Variants in SMARCC1 observed in about 807,000 individuals in gnomAD.
The protein encoded by SMARCC1 is SWI/SNF complex subunit SMARCC1.
Under a neutral mutation model 147.4 loss-of-function variants are expected in SMARCC1, and 43 were observed. The observed-to-expected ratio is 0.29, with a 90% CI of 0.23 to 0.38. The LOEUF (loss-of-function observed/expected upper bound fraction) is 0.38, where lower values mean the gene tolerates loss of function less well. Among genes scored for constraint, SMARCC1 ranks in the 10% least tolerant of loss-of-function variants. The pLI is 1.00. For missense variants in SMARCC1, 1,119 were observed against 1,381.1 expected (o/e 0.81, Z 3.01); for synonymous variants, 495 against 484.4 (o/e 1.02, Z -0.29).
intron 27 of SMARCC1, among the ~76,000 whole-genome samples, chr3:47,588,975 C>T (rs1373308975): frequency 6.6e-6 from 1 of 152,104 alleles, no homozygotes; most frequent in Non-Finnish European, 1.5e-5. Flanking sequence ...TACAAAAGAA[C>T]CCGAGAGATC....
intron 18 of SMARCC1, among the ~76,000 whole-genome samples, chr3:47,673,233 A>AT (rs1328215776): frequency 1.3e-5 from 2 of 151,834 alleles, no homozygotes; most frequent in African/African-American, 2.4e-5. Flanking sequence ...AAAAATAAAA[A>AT]TAAAAAAAAA....
chr3:47,598,085 T>C (rs2032320007), intron 26 of SMARCC1, among the ~76,000 whole-genome samples: 1 of 152,208 alleles, frequency 6.6e-6, no homozygotes, highest in Non-Finnish European at 1.5e-5. Flanking sequence ...AAGGTGGTAC[T>C]GTCCCAGCTC....
intron 9 of SMARCC1, among the ~76,000 whole-genome samples, 168 bp from the exon 10 acceptor site, chr3:47,706,698 T>C (rs1272044195): frequency 6.6e-6 from 1 of 152,202 alleles, no homozygotes; most frequent in African/African-American, 2.4e-5. Context: ...ATCAAGAAAC[T>C]TTCCCTGACC....
chr3:47,696,350 G>C (rs1032959230), intron 11 of SMARCC1, among the ~76,000 whole-genome samples: 7 of 151,696 alleles, frequency 4.6e-5, no homozygotes, highest in Non-Finnish European at 8.8e-5. Context: ...CTCCAACCTC[G>C]GCAACAGAGC....
chr3:47,695,106 C>A (rs1374182331), intron 11 of SMARCC1, among the ~76,000 whole-genome samples: 1 of 152,112 alleles, frequency 6.6e-6, no homozygotes, highest in Non-Finnish European at 1.5e-5. Flanking sequence ...CTGTAGTGTC[C>A]TGGTATTTAG....
chr3:47,675,263 C>A (rs2033554726), intron 18 of SMARCC1, among the ~76,000 whole-genome samples: 1 of 152,128 alleles, frequency 6.6e-6, no homozygotes, highest in Non-Finnish European at 1.5e-5. Context: ...GATTCTAATT[C>A]TCTCTTCAAA....
intron 2 of SMARCC1, among the ~76,000 whole-genome samples, chr3:47,760,036 A>G (rs960165180): frequency 3.9e-5 from 6 of 152,204 alleles, no homozygotes; most frequent in Non-Finnish European, 2.9e-5. Context: ...ATTTGAGGCC[A>G]GGTATGGTGG....
Position 47,709,113 on chromosome 3 carries a change from T to C in SMARCC1, c.918+1570A>G, listed in dbSNP as rs140813285. ...CCATCTCTACTGAAAATAAAAAAAT[T>C]AGCCAGGTGTGGTGGCACGTGCCTG... On this transcript the variant is annotated intron_variant, in intron 9 of 27. Coordinates refer to ENST00000254480, the MANE Select transcript of SMARCC1 (RefSeq NM_003074.4). Among the ~76,000 whole-genome samples, 642 of 151,908 alleles carry C rather than the reference T, an allele frequency of 4.2e-3. 2 individuals are homozygous for C. The highest frequency in any genetic ancestry group is 0.015 in the African/African-American group (618 of 41,418).
At chr3:47,670,620 A>C in intron 19 of SMARCC1, 38 bp downstream of exon 19, 1 of 1,227,514 alleles carries the variant, frequency 8.1e-7, no homozygotes, top group South Asian at 1.2e-5. Flanking sequence ...CTAGTCAAAG[A>C]ATCTTAGCAC....
chr3:47,728,414 T>C (rs988963938), intron 6 of SMARCC1, among the ~76,000 whole-genome samples: 1 of 152,126 alleles, frequency 6.6e-6, no homozygotes, highest in East Asian at 1.9e-4. Context: ...CCACCTGACA[T>C]TGCTGAATAT....
intron 19 of SMARCC1, chr3:47,663,969 G>C (rs1490651756): frequency 3.8e-5 from 47 of 1,243,622 alleles, no homozygotes; most frequent in Non-Finnish European, 5.0e-5. Context: ...CCGCAGAAAT[G>C]ATTCCAAAAC....
At chr3:47,701,507 A>C in intron 10 of SMARCC1, 105 bp from the exon 11 acceptor site, 1 of 1,092,982 alleles carries the variant, frequency 9.1e-7, no homozygotes. Flanking sequence ...ACATATGCTC[A>C]AGATCACTTT....
chr3:47,698,005 CAAAAAAAAAAAAAA>C (rs71070213), intron 11 of SMARCC1, among the ~76,000 whole-genome samples: 2 of 12,490 alleles, frequency 1.6e-4, no homozygotes, highest in Non-Finnish European at 2.4e-4. Context: ...GCCTCCGCCT[CAAAAAAAAAAAAAA>C]AAAAAAAAAA....
intron 19 of SMARCC1, among the ~76,000 whole-genome samples, chr3:47,665,583 CA>C (rs1277829744): frequency 6.6e-6 from 1 of 152,010 alleles, no homozygotes; most frequent in African/African-American, 2.4e-5. Context: ...ATACAAAATC[CA>C]AGCAAGACTC....
intron 11 of SMARCC1, among the ~76,000 whole-genome samples, chr3:47,695,375 A>G (rs1041419933): frequency 1.6e-4 from 25 of 152,354 alleles, no homozygotes; most frequent in African/African-American, 5.3e-4. Context: ...TATCTCAATT[A>G]AAACAATGCT....
chr3:47,703,991 C>A (rs989744329), intron 10 of SMARCC1, among the ~76,000 whole-genome samples: 1 of 152,104 alleles, frequency 6.6e-6, no homozygotes, highest in African/African-American at 2.4e-5. Flanking sequence ...GTAGAGACAG[C>A]GTTTCACCGT....
chr3:47,666,872 G>A lies in SMARCC1; in HGVS notation c.1899+3786C>T, dbSNP rs1205944576. 2.0e-5 allele frequency among the ~76,000 whole-genome samples: 3 copies of A among 152,282 alleles called. No individual in the cohort carries two copies. In the East Asian group the frequency reaches 5.8e-4, roughly 29 times the overall value. The stretch of plus-strand genomic sequence containing the variant: ...TAGAAGATTTACTATGCATCTTAGT[G>A]TAGTTCAAAAGTACATAGAATGATA... On this transcript the variant is annotated intron_variant, in intron 19 of 27. Transcript: ENST00000254480.
chr3:47,753,805 A>G (rs2034657092), intron 2 of SMARCC1, among the ~76,000 whole-genome samples: 1 of 152,006 alleles, frequency 6.6e-6, no homozygotes, highest in South Asian at 2.1e-4. Context: ...TTCTAACACT[A>G]TGTTTAGGTC....
chr3:47,679,193 T>C (rs1050812944), intron 15 of SMARCC1, among the ~76,000 whole-genome samples: 2 of 148,452 alleles, frequency 1.3e-5, no homozygotes, highest in East Asian at 2.0e-4. Flanking sequence ...CCAGCCTGCA[T>C]GACGGAATGA....
Sources: gnomAD v4.1 joint callset for allele counts (sites outside exome capture counted in the v4.1 genomes callset) on GRCh38, gnomAD v4.1.1 for gene constraint, MANE v1.5 for transcripts, NCBI Gene and HGNC (gene_info 2026-07-23, HGNC 2026-07-21) for gene names.